The following FBXL13 variants were observed in gnomAD, a reference collection of about 807,000 sequenced individuals.
FBXL13 encodes F-box and leucine-rich repeat protein 13.
Under a neutral mutation model 83.6 loss-of-function variants are expected in FBXL13, and 67 were observed. The ratio of observed to expected loss-of-function variants is 0.80; its 90% CI spans 0.66 to 0.98. The LOEUF is 0.98. Among genes scored for constraint, FBXL13 ranks in the 50% least tolerant of loss-of-function variants. FBXL13 has a pLI of 0.00. For synonymous variants in FBXL13, 272 were observed against 299.5 expected, an observed-to-expected ratio of 0.91 and a Z score of 0.95; for missense variants, 822 against 866.5, an observed-to-expected ratio of 0.95 and a Z score of 0.64.
intron 6 of FBXL13, among the ~76,000 whole-genome samples, chr7:102,977,152 T>C (rs2129482987): frequency 6.6e-6 from 1 of 152,288 alleles, no homozygotes; most frequent in Middle Eastern, 3.4e-3. Flanking sequence ...TCGAATATTA[T>C]GGTCCTGCCA....
chr7:102,953,357 C>T (rs1193094482), intron 8 of FBXL13, among the ~76,000 whole-genome samples: 11 of 148,750 alleles, frequency 7.4e-5, no homozygotes, highest in South Asian at 4.2e-4. Flanking sequence ...GTTCAACAGA[C>T]GAAAAAAAAA....
chr7:102,854,382 G>T (rs1371455246), intron 17 of FBXL13, among the ~76,000 whole-genome samples: 1 of 151,854 alleles, frequency 6.6e-6, no homozygotes, highest in African/African-American at 2.4e-5. Flanking sequence ...GGGGTGGGGG[G>T]AGAGGGGAGG....
intron 16 of FBXL13, among the ~76,000 whole-genome samples, chr7:102,860,690 T>C (rs1300166149): frequency 6.6e-6 from 1 of 152,058 alleles, no homozygotes; most frequent in Non-Finnish European, 1.5e-5. Context: ...TGTGTGTGTG[T>C]GTGTGTGGTG....
intron 6 of FBXL13, among the ~76,000 whole-genome samples, chr7:102,978,061 C>T (rs1015759711): frequency 1.2e-4 from 19 of 152,088 alleles, no homozygotes. Flanking sequence ...ACATATGTAA[C>T]TAACCTGCAC....
intron 11 of FBXL13, among the ~76,000 whole-genome samples, chr7:102,907,124 C>T (rs1303683773): frequency 6.6e-6 from 1 of 152,108 alleles, no homozygotes; most frequent in Admixed American, 6.5e-5. Context: ...AGGCACCCAC[C>T]ACCACGTCTG....
intron 8 of FBXL13, among the ~76,000 whole-genome samples, chr7:102,955,362 G>A (rs969538783): frequency 1.3e-5 from 2 of 151,864 alleles, no homozygotes; most frequent in South Asian, 2.1e-4. Context: ...AAGACACAAC[G>A]CACCACAATC....
chr7:102,933,352 T>C (rs1265843035), intron 8 of FBXL13: 1 of 152,268 alleles, frequency 6.6e-6, no homozygotes, highest in African/African-American at 2.4e-5. Context: ...CTGTGTTCTT[T>C]TAAAGAAGGA....
At chr7:102,924,012 G>C (rs1817584605) in intron 10 of FBXL13, among the ~76,000 whole-genome samples, 1 of 152,138 alleles carries the variant, frequency 6.6e-6, no homozygotes, top group Non-Finnish European at 1.5e-5. Flanking sequence ...GGCCAAGGAG[G>C]GTGGATCATC....
chr7:103,069,317 G>T (rs1585654352), intron 1 of FBXL13, among the ~76,000 whole-genome samples: 1 of 152,356 alleles, frequency 6.6e-6, no homozygotes, highest in Middle Eastern at 3.4e-3. Context: ...CCCGGCCGTT[G>T]TGCAACCCTC....
chr7:102,863,335 TAA>T (rs1202328581), intron 16 of FBXL13, among the ~76,000 whole-genome samples: 1 of 152,104 alleles, frequency 6.6e-6, no homozygotes, highest in East Asian at 1.9e-4. Context: ...CTCTATGAAA[TAA>T]GATGGAATGG....
chr7:103,033,972 C>A (rs1794802748), intron 2 of FBXL13, among the ~76,000 whole-genome samples: 1 of 151,986 alleles, frequency 6.6e-6, no homozygotes, highest in Non-Finnish European at 1.5e-5. Flanking sequence ...AGTGTCGACA[C>A]AAAGGTTCTC....
chr7:102,823,490 G>A (rs940955641), intron 18 of FBXL13, among the ~76,000 whole-genome samples: 8 of 152,110 alleles, frequency 5.3e-5, no homozygotes, highest in East Asian at 1.9e-4. Context: ...CACAAATCCC[G>A]CTCTGAAATA....
At chr7:103,045,855 T>C (rs1796223424) in intron 2 of FBXL13, among the ~76,000 whole-genome samples, 1 of 152,226 alleles carries the variant, frequency 6.6e-6, no homozygotes, top group Non-Finnish European at 1.5e-5. Context: ...TCAGTTACCA[T>C]CATTTTGGGT....
intron 2 of FBXL13, among the ~76,000 whole-genome samples, chr7:103,045,807 T>C (rs1227340580): frequency 1.3e-5 from 2 of 152,220 alleles, no homozygotes; most frequent in African/African-American, 4.8e-5. Flanking sequence ...CTCACTTAGG[T>C]GAAAGTGTGA....
chr7:102,897,744 G>A (rs903644669), intron 11 of FBXL13, among the ~76,000 whole-genome samples: 1 of 152,124 alleles, frequency 6.6e-6, no homozygotes, highest in East Asian at 1.9e-4. Flanking sequence ...TTCTTTTAGT[G>A]AGAATAGTCA....
intron 11 of FBXL13, among the ~76,000 whole-genome samples, chr7:102,910,781 C>T (rs1272487140): frequency 6.6e-6 from 1 of 152,140 alleles, no homozygotes; most frequent in Non-Finnish European, 1.5e-5. Context: ...TTATTTGAGG[C>T]AAGGTCTCAC....
intron 9 of FBXL13, among the ~76,000 whole-genome samples, chr7:102,930,437 G>T (rs576226874): frequency 6.6e-6 from 1 of 152,270 alleles, no homozygotes; most frequent in East Asian, 1.9e-4. Context: ...TTTCTGGAAA[G>T]ATCAGTTTAT....
chr7:102,989,151 CAAGT>C (rs1344144016), intron 6 of FBXL13, among the ~76,000 whole-genome samples: 6 of 152,182 alleles, frequency 3.9e-5, no homozygotes, highest in African/African-American at 1.2e-4. Flanking sequence ...AAACTGGAAA[CAAGT>C]AACCACAAAA....
At chr7:102,876,581 C>A (rs1420536794) in intron 16 of FBXL13, among the ~76,000 whole-genome samples, 1 of 150,272 alleles carries the variant, frequency 6.7e-6, no homozygotes, top group Non-Finnish European at 1.5e-5. Flanking sequence ...TAACAGATGT[C>A]TGCAATGCAG....
Sources: allele counts gnomAD v4.1 joint callset (sites outside exome capture counted in the v4.1 genomes callset), GRCh38; gene constraint gnomAD v4.1.1; transcripts MANE v1.5; gene names NCBI Gene and HGNC (gene_info 2026-07-23, HGNC 2026-07-21).